The following NUP58 variants were observed in gnomAD, a reference collection of about 807,000 sequenced individuals.
NUP58 encodes the protein nucleoporin p58/p45.
NUP58 carries 17 observed loss-of-function variants against 70.1 expected under a neutral mutation model. That is an observed-to-expected ratio of 0.24 (90% CI 0.17 to 0.36). The LOEUF (loss-of-function observed/expected upper bound fraction) is 0.36, where lower values mean the gene tolerates loss of function less well. NUP58 is among the 10% of genes least tolerant of loss of function. The pLI is 1.00. For synonymous variants in NUP58, 275 were observed against 257.6 expected (o/e 1.07, Z -0.65); for missense variants, 644 against 701.5 (o/e 0.92, Z 0.93).
intron 13 of NUP58, chr13:25,335,293 C>A (rs2031741506): frequency 1.0e-6 from 1 of 985,244 alleles, no homozygotes; most frequent in Non-Finnish European, 1.2e-6. Context: ...ACAACAGACC[C>A]ACACACAACA....
Position 25,341,778 on chromosome 13 carries a change from G to A in NUP58, c.*1644G>A, listed in dbSNP as rs1593205134. ...CAATTTTCAGATAGGATGTGAACAT[G>A]GAATTTCATTGAAAATAGTTTAATT... On this transcript the variant is annotated 3_prime_UTR_variant, in exon 16 of 16. Coordinates refer to ENST00000381736, the MANE Select transcript of NUP58 (RefSeq NM_014089.4). 2 of 152,620 alleles carry A rather than the reference G, an allele frequency of 1.3e-5. No homozygotes were observed. The highest frequency in any genetic ancestry group is 3.9e-4 in the East Asian group (2 of 5,180). The allele number at this position is 152,620 out of a possible 1,614,324, so 9.5% of individuals were successfully genotyped here.
chr13:25,302,293 C>T (rs1425467174), intron 1 of NUP58, among the ~76,000 whole-genome samples: 1 of 152,198 alleles, frequency 6.6e-6, no homozygotes, highest in African/African-American at 2.4e-5. Context: ...GATTTCATTG[C>T]AGCATTTGCG....
chr13:25,310,800 G>A (rs568064423), intron 3 of NUP58, among the ~76,000 whole-genome samples: 2 of 152,290 alleles, frequency 1.3e-5, no homozygotes, highest in African/African-American at 4.8e-5. Flanking sequence ...GTTAAGTCAT[G>A]CAGGTCATTC....
At chr13:25,348,982 C>T (rs1211007619) in intron 3 of NUP58, among the ~76,000 whole-genome samples, 1 of 152,172 alleles carries the variant, frequency 6.6e-6, no homozygotes. Flanking sequence ...TCTTTCACAC[C>T]AGGGGCTGTT....
intron 3 of NUP58, among the ~76,000 whole-genome samples, chr13:25,347,725 A>G (rs2032066389): frequency 6.6e-6 from 1 of 152,236 alleles, no homozygotes; most frequent in Non-Finnish European, 1.5e-5. Flanking sequence ...ACAGAAGGCC[A>G]TAATGGAGCT....
intron 1 of NUP58, among the ~76,000 whole-genome samples, chr13:25,304,512 A>G (rs866758795): frequency 4.0e-5 from 3 of 75,336 alleles, no homozygotes; most frequent in African/African-American, 9.2e-5. Context: ...ATATATATAT[A>G]TATATGTATT....
chr13:25,348,502 C>G (rs979714639), intron 3 of NUP58, among the ~76,000 whole-genome samples: 3 of 152,050 alleles, frequency 2.0e-5, no homozygotes, highest in Admixed American at 1.3e-4. Context: ...GTCTTGAACT[C>G]CTGGGATAAG....
chr13:25,328,795 A>G (rs891619613), intron 12 of NUP58, among the ~76,000 whole-genome samples: 9 of 152,218 alleles, frequency 5.9e-5, no homozygotes, highest in Admixed American at 1.3e-4. Flanking sequence ...GAGCAAATGT[A>G]ATTAAACTCT....
At chr13:25,311,199 G>A (rs1174753133) in intron 3 of NUP58, among the ~76,000 whole-genome samples, 1 of 152,114 alleles carries the variant, frequency 6.6e-6, no homozygotes, top group East Asian at 1.9e-4. Context: ...TTAGAAATCA[G>A]AGGTGGAAAT....
At chr13:25,338,502 A>G in intron 14 of NUP58, 134 bp from the exon 15 acceptor site, 1 of 586,556 alleles carries the variant, frequency 1.7e-6, no homozygotes, top group Admixed American at 2.9e-5. Flanking sequence ...AGGAGTAAGC[A>G]GATTTCCTTA....
rs1482311175 is a variant in NUP58 at position 25,341,481 on chromosome 13, T to G, written c.*1347T>G. The G allele has an allele frequency of 2.0e-5, 3 of 152,620 alleles. No individual in the cohort carries two copies. Among genetic ancestry groups the G allele is most frequent in the Non-Finnish European group, 4.4e-5 (3 of 68,034 alleles). 9.5% of individuals were successfully genotyped at this position (152,620 alleles called of 1,614,324 possible). A position where few individuals can be genotyped will look rare whatever the true frequency, so the allele number is the denominator to read the frequency against. On this transcript the variant is annotated 3_prime_UTR_variant, in exon 16 of 16. Transcript: ENST00000381736. The stretch of plus-strand genomic sequence containing the variant: ...GATATTGACACCAAATGGAGTGGCT[T>G]CTCAGCCTCTTAATGTCTTAAGTAA...
At chr13:25,334,639 A>G (rs775699654) in intron 13 of NUP58, 32 of 981,536 alleles carry the variant, frequency 3.3e-5, no homozygotes, top group Non-Finnish European at 3.8e-5. Flanking sequence ...TTAAAATGTG[A>G]CTTAGAAATA....
rs1471119840 is a variant in NUP58, at chr13:25,304,486, A to G, written c.107+2606A>G. On this transcript the variant is annotated intron_variant, in intron 1 of 15. Coordinates refer to ENST00000381736, the MANE Select transcript of NUP58 (RefSeq NM_014089.4). Reference sequence around the variant, plus strand: ...CAGTTATGTTGTCAAGATTATATATATATATATATATATATATATATATAT... The same window carrying G: ...CAGTTATGTTGTCAAGATTATATATGTATATATATATATATATATATATAT... Among the ~76,000 whole-genome samples the G allele has an allele frequency of 1.9e-4, 11 of 57,048 alleles. 1 individual carries two copies. In the East Asian group the frequency reaches 4.4e-3, roughly 23 times the overall value. 37.4% of individuals were successfully genotyped at this position (57,048 alleles called of 152,430 possible). A position where few individuals can be genotyped will look rare whatever the true frequency, so the allele number is the denominator to read the frequency against.
intron 1 of NUP58, 87 bp from the exon 2 acceptor site, chr13:25,307,719 T>A (rs972018336): frequency 7.7e-6 from 10 of 1,299,442 alleles, no homozygotes; most frequent in Non-Finnish European, 9.6e-6. Flanking sequence ...GAAGAGTTAA[T>A]TTTTATTTTT....
intron 11 of NUP58, 77 bp downstream of exon 11, chr13:25,327,111 G>C (rs2031425473): frequency 1.3e-6 from 1 of 784,650 alleles, no homozygotes; most frequent in South Asian, 2.0e-5. Flanking sequence ...TAGGTATTTT[G>C]GATAACTACT....
At chr13:25,342,894 A>G (rs896703124), downstream of NUP58, among the ~76,000 whole-genome samples, 2 of 151,854 alleles carry the variant, frequency 1.3e-5, no homozygotes, top group Admixed American at 6.6e-5. Flanking sequence ...TTTCCCTTCT[A>G]TTAGTATATC....
Position 25,340,423 on chromosome 13 carries a change from A to AT in NUP58, c.*292dup. ...AGAAACCATTAACCTAAAACTTACT[A>AT]TTTAACCTAGTGTTTTTGTTGATGA... On this transcript the variant is annotated 3_prime_UTR_variant, in exon 16 of 16. Transcript: ENST00000381736. 4.3e-6 allele frequency: 1 copy of AT among 234,992 alleles called. No individual in the cohort carries two copies. Among genetic ancestry groups the AT allele is most frequent in the Non-Finnish European group, 8.1e-6 (1 of 123,442 alleles). The allele number at this position is 234,992 out of a possible 1,614,324, so 14.6% of individuals were successfully genotyped here. A position where few individuals can be genotyped will look rare whatever the true frequency, so the allele number is the denominator to read the frequency against.
At chr13:25,315,101 T>C (rs929765883) in intron 5 of NUP58, among the ~76,000 whole-genome samples, 1 of 152,208 alleles carries the variant, frequency 6.6e-6, no homozygotes, top group Non-Finnish European at 1.5e-5. Context: ...ATTGAGTGCC[T>C]ACATACTGAA....
At chr13:25,334,697 A>C (rs1249277912) in intron 13 of NUP58, 1 of 979,006 alleles carries the variant, frequency 1.0e-6, no homozygotes, top group East Asian at 1.1e-4. Context: ...GAAAATTATA[A>C]AATATTTTTA....
Sources: allele counts gnomAD v4.1 joint callset (sites outside exome capture counted in the v4.1 genomes callset), GRCh38; gene constraint gnomAD v4.1.1; transcripts MANE v1.5; gene names NCBI Gene and HGNC (gene_info 2026-07-23, HGNC 2026-07-21).